Variants in EPHA3 observed in about 807,000 individuals in gnomAD.
EPHA3 encodes the protein EPH receptor A3.
EPHA3 carries 42 observed loss-of-function variants against 107.1 expected under a neutral mutation model. The observed-to-expected ratio is 0.39, with a 90% CI of 0.31 to 0.51. The LOEUF is 0.51. Ranked by LOEUF, EPHA3 falls within the 20% of genes least tolerant of loss-of-function variation. The probability of loss-of-function intolerance (pLI) is 0.78; values close to 1 mark genes in which losing one functional copy is unlikely to be tolerated. For synonymous variants in EPHA3, 461 were observed against 424.8 expected, an observed-to-expected ratio of 1.09 and a Z score of -1.05; for missense variants, 1,183 against 1,211.2, an observed-to-expected ratio of 0.98 and a Z score of 0.35.
chr3:89,368,182 G>T (rs1576339773), intron 5 of EPHA3, among the ~76,000 whole-genome samples: 1 of 150,500 alleles, frequency 6.6e-6, no homozygotes, highest in Middle Eastern at 3.4e-3. Context: ...TAGTTGTGGA[G>T]GTATGGGGTT....
chr3:89,260,961 A>G (rs1298297432), intron 3 of EPHA3, among the ~76,000 whole-genome samples: 6 of 152,170 alleles, frequency 3.9e-5, no homozygotes, highest in African/African-American at 1.4e-4. Flanking sequence ...CTGCTAAGCT[A>G]TCCTGCTGTC....
At chr3:89,459,490 T>TCTCCTTCCTTCC (rs1710173628) in intron 15 of EPHA3, among the ~76,000 whole-genome samples, 1 of 103,038 alleles carries the variant, frequency 9.7e-6, no homozygotes, top group Non-Finnish European at 1.9e-5. Flanking sequence ...TCCTTCCTTC[T>TCTCCTTCCTTCC]CTCCTTCCTT....
intron 3 of EPHA3, among the ~76,000 whole-genome samples, chr3:89,331,752 G>C (rs914203300): frequency 1.1e-4 from 17 of 152,004 alleles, no homozygotes; most frequent in Non-Finnish European, 5.9e-5. Context: ...TATTTGATTG[G>C]TAACCAAACC....
chr3:89,286,027 G>C (rs1255918857), intron 3 of EPHA3, among the ~76,000 whole-genome samples: 1 of 151,992 alleles, frequency 6.6e-6, no homozygotes, highest in East Asian at 1.9e-4. Context: ...CCTTGATACT[G>C]TCTGGGAGGC....
chr3:89,297,749 T>C (rs1369207682), intron 3 of EPHA3, among the ~76,000 whole-genome samples: 1 of 151,992 alleles, frequency 6.6e-6, no homozygotes, highest in Non-Finnish European at 1.5e-5. Context: ...AAATGAAATA[T>C]GTTGGCCAGG....
chr3:89,200,210 A>AT (rs1705938889), intron 2 of EPHA3, among the ~76,000 whole-genome samples: 1 of 152,202 alleles, frequency 6.6e-6, no homozygotes, highest in South Asian at 2.1e-4. Flanking sequence ...TACATTGGAC[A>AT]TTATTTCACA....
intron 6 of EPHA3, among the ~76,000 whole-genome samples, chr3:89,396,630 T>C (rs1708856724): frequency 6.6e-6 from 1 of 151,704 alleles, no homozygotes; most frequent in South Asian, 2.1e-4. Context: ...AAATAACTCA[T>C]TTTTTTTCTG....
chr3:89,244,075 T>G (rs996086299), intron 3 of EPHA3, among the ~76,000 whole-genome samples: 1 of 152,148 alleles, frequency 6.6e-6, no homozygotes, highest in Non-Finnish European at 1.5e-5. Flanking sequence ...TTTAAAAATA[T>G]GAAAATATGG....
At chr3:89,326,189 G>A (rs1277122610) in intron 3 of EPHA3, among the ~76,000 whole-genome samples, 3 of 151,874 alleles carry the variant, frequency 2.0e-5, no homozygotes, top group Non-Finnish European at 2.9e-5. Flanking sequence ...GGACCCCTGA[G>A]GATACCAAAA....
chr3:89,466,834 T>C (rs1710287061), intron 15 of EPHA3, among the ~76,000 whole-genome samples: 1 of 144,384 alleles, frequency 6.9e-6, no homozygotes, highest in Non-Finnish European at 1.5e-5. Context: ...CTGTTCCTAT[T>C]CGGCCATCTT....
At chr3:89,188,648 G>A (rs968961565) in intron 2 of EPHA3, among the ~76,000 whole-genome samples, 4 of 152,018 alleles carry the variant, frequency 2.6e-5, no homozygotes, top group African/African-American at 9.7e-5. Flanking sequence ...ACTCATAACA[G>A]GTGCTATTAC....
At chr3:89,165,990 A>G (rs2107083327) in intron 2 of EPHA3, among the ~76,000 whole-genome samples, 1 of 152,336 alleles carries the variant, frequency 6.6e-6, no homozygotes, top group East Asian at 1.9e-4. Flanking sequence ...AGATGATGAA[A>G]CTAAAGCCAG....
chr3:89,169,620 G>C (rs1328844214), intron 2 of EPHA3, among the ~76,000 whole-genome samples: 7 of 152,106 alleles, frequency 4.6e-5, no homozygotes, highest in Non-Finnish European at 4.4e-5. Context: ...GTGTTTTTGT[G>C]TATATTTTCA....
At chr3:89,416,463 T>G (rs1489280099) in intron 10 of EPHA3, among the ~76,000 whole-genome samples, 2 of 151,418 alleles carry the variant, frequency 1.3e-5, no homozygotes, top group Non-Finnish European at 3.0e-5. Flanking sequence ...TTTTTATTTT[T>G]AATCTTTTTC....
At chr3:89,267,904 T>C (rs1705575962) in intron 3 of EPHA3, among the ~76,000 whole-genome samples, 1 of 152,156 alleles carries the variant, frequency 6.6e-6, no homozygotes. Flanking sequence ...TAACATTTTA[T>C]TTTAAAACAG....
At chr3:89,460,038 C>G (rs1258003443) in intron 15 of EPHA3, among the ~76,000 whole-genome samples, 9 of 151,972 alleles carry the variant, frequency 5.9e-5, no homozygotes, top group Admixed American at 5.9e-4. Context: ...ATAACTGAAG[C>G]TAAATTAAAA....
intron 3 of EPHA3, among the ~76,000 whole-genome samples, chr3:89,235,236 A>C (rs1576253128): frequency 6.6e-6 from 1 of 152,016 alleles, no homozygotes; most frequent in South Asian, 2.1e-4. Context: ...TTTTCTTGAC[A>C]ATAAATGTAA....
intron 3 of EPHA3, among the ~76,000 whole-genome samples, chr3:89,287,804 T>A (rs115640963): frequency 0.011 from 1,738 of 152,210 alleles, 29 homozygotes; most frequent in African/African-American, 0.037. Context: ...CCCAAATAAG[T>A]GCTGAATTTT....
At chr3:89,369,304 A>T (rs1483687907) in intron 5 of EPHA3, among the ~76,000 whole-genome samples, 4 of 150,824 alleles carry the variant, frequency 2.7e-5, no homozygotes, top group African/African-American at 9.7e-5. Context: ...AAACAGAGAT[A>T]TAGATCAATG....
Sources: allele counts gnomAD v4.1 joint callset (sites outside exome capture counted in the v4.1 genomes callset), GRCh38; gene constraint gnomAD v4.1.1; transcripts MANE v1.5; gene names NCBI Gene and HGNC (gene_info 2026-07-23, HGNC 2026-07-21).